Variants in EPC2 observed in about 807,000 individuals in gnomAD.
EPC2 encodes the protein enhancer of polycomb homolog 2.
EPC2 carries 14 observed loss-of-function variants against 92.1 expected under a neutral mutation model. That is an observed-to-expected ratio of 0.15 (90% CI 0.10 to 0.24). The LOEUF (loss-of-function observed/expected upper bound fraction) is 0.24, where lower values mean the gene tolerates loss of function less well. Ranked by LOEUF, EPC2 falls within the 10% of genes least tolerant of loss-of-function variation. The pLI, the probability that EPC2 is intolerant of heterozygous loss-of-function variation, is 1.00. For synonymous variants in EPC2, 340 were observed against 334.7 expected, an observed-to-expected ratio of 1.02 and a Z score of -0.17; for missense variants, 755 against 971.5, an observed-to-expected ratio of 0.78 and a Z score of 2.96.
At position 148,771,319 on chromosome 2, in the gene EPC2, C is replaced by A; in HGVS notation, c.1652C>A (p.Thr551Asn). The change falls in exon 10 of 14, where the codon ACT becomes AAT. Residue 551 changes from threonine (T) to asparagine (N), a missense_variant. Thr to Asn is a moderately conservative substitution (Grantham distance 65). Transcript: ENST00000258484. ...TGTACCTCAAGAAAACCAGGGCAGA[C>A]TGTGAACAATAAAAGAGTTTCTGCA... ...EECTSRKPGQ[T>N]VNNKRVSAAS... The A allele has an allele frequency of 6.2e-7, 1 of 1,613,128 alleles. No individual in the cohort carries two copies. Among genetic ancestry groups the A allele is most frequent in the East Asian group, 2.2e-5 (1 of 44,866 alleles).
rs1683875119 is a variant in EPC2, at chr2:148,786,735, A to T, written c.*358A>T. The T allele has an allele frequency of 6.3e-6, 1 of 158,786 alleles. No individual in the cohort carries two copies. Among genetic ancestry groups the T allele is most frequent in the South Asian group, 2.0e-4 (1 of 4,926 alleles). 9.8% of individuals were successfully genotyped at this position (158,786 alleles called of 1,614,324 possible). A position where few individuals can be genotyped will look rare whatever the true frequency, so the allele number is the denominator to read the frequency against. On this transcript the variant is annotated 3_prime_UTR_variant, in exon 14 of 14. Coordinates refer to ENST00000258484, the MANE Select transcript of EPC2 (RefSeq NM_015630.4). ...ACTTGTTTTAACTATTTATTTTGCC[A>T]TGTTTACATTTTGTATCTTGTAAAA...
chr2:148,771,413 T>C (rs944644158), intron 10 of EPC2, 26 bp downstream of exon 10: 6 of 1,504,496 alleles, frequency 4.0e-6, no homozygotes, highest in Admixed American at 2.2e-5. Flanking sequence ...GTTAAAAGTA[T>C]ATCCTGCTAT....
intron 2 of EPC2, among the ~76,000 whole-genome samples, chr2:148,739,252 T>G (rs1183036990): frequency 6.6e-6 from 1 of 152,242 alleles, no homozygotes; most frequent in Non-Finnish European, 1.5e-5. Flanking sequence ...CATATTCATA[T>G]TCATAACAGT....
At chr2:148,775,317 A>G (rs1231857522) in intron 10 of EPC2, among the ~76,000 whole-genome samples, 1 of 152,016 alleles carries the variant, frequency 6.6e-6, no homozygotes, top group African/African-American at 2.4e-5. Flanking sequence ...AGCACATGCA[A>G]ATATTACATT....
At chr2:148,707,176 A>C (rs570796080) in intron 2 of EPC2, among the ~76,000 whole-genome samples, 24 of 152,338 alleles carry the variant, frequency 1.6e-4, no homozygotes, top group African/African-American at 5.5e-4. Flanking sequence ...ATGGAAAACA[A>C]AAAGAGGCAG....
intron 2 of EPC2, 119 bp downstream of exon 2, chr2:148,690,492 T>G: frequency 1.1e-6 from 1 of 888,508 alleles, no homozygotes; most frequent in Non-Finnish European, 1.7e-6. Flanking sequence ...TTAATAGATA[T>G]GTTAAACATT....
intron 2 of EPC2, among the ~76,000 whole-genome samples, chr2:148,704,892 T>C (rs1421172556): frequency 1.3e-5 from 2 of 151,476 alleles, no homozygotes; most frequent in Non-Finnish European, 3.0e-5. Flanking sequence ...TGTGTATCTT[T>C]TTTCTTTTTC....
In EPC2 at chr2:148,726,340, G is replaced by A. The variant is rs1682492954; in HGVS notation, c.314-17282G>A. Among the ~76,000 whole-genome samples the A allele has an allele frequency of 3.3e-5, 5 of 152,128 alleles. No homozygotes were observed. In the South Asian group the frequency reaches 1.0e-3, roughly 31 times the overall value. On this transcript the variant is annotated intron_variant, in intron 2 of 13. Coordinates refer to ENST00000258484, the MANE Select transcript of EPC2 (RefSeq NM_015630.4). ...AGTGAGATTGCTGGATCATATAGTA[G>A]TTCTATTTTAAATTTTTTCAGAAAC...
chr2:148,676,456 TTAATA>T (rs1481830797), intron 1 of EPC2, among the ~76,000 whole-genome samples: 2 of 152,002 alleles, frequency 1.3e-5, no homozygotes, highest in Non-Finnish European at 2.9e-5. Flanking sequence ...TTTTATAACA[TTAATA>T]TAATTAAAAA....
chr2:148,742,330 G>T (rs1277075817), intron 2 of EPC2, among the ~76,000 whole-genome samples: 1 of 152,168 alleles, frequency 6.6e-6, no homozygotes, highest in Non-Finnish European at 1.5e-5. Flanking sequence ...GCTTTCTTCT[G>T]CTGCTCTTTC....
intron 2 of EPC2, chr2:148,692,950 G>A (rs1681672140): frequency 6.6e-6 from 1 of 151,764 alleles, no homozygotes; most frequent in African/African-American, 2.4e-5. Context: ...ATACTATACA[G>A]TATCTTACTG....
At chr2:148,758,525 A>G (rs1165827543) in intron 4 of EPC2, among the ~76,000 whole-genome samples, 1 of 151,970 alleles carries the variant, frequency 6.6e-6, no homozygotes, top group East Asian at 1.9e-4. Context: ...CCTCCCAAAT[A>G]GCTGGGACTA....
At chr2:148,688,902 A>G (rs1315644239) in intron 1 of EPC2, among the ~76,000 whole-genome samples, 3 of 152,116 alleles carry the variant, frequency 2.0e-5, no homozygotes, top group Non-Finnish European at 4.4e-5. Flanking sequence ...TGAGATCTTT[A>G]CTATGATGTT....
intron 1 of EPC2, among the ~76,000 whole-genome samples, chr2:148,675,742 T>G (rs1023227725): frequency 6.6e-6 from 1 of 152,224 alleles, no homozygotes; most frequent in African/African-American, 2.4e-5. Flanking sequence ...TGATGGCCTA[T>G]CTCATTGTTT....
At chr2:148,768,698 G>C (rs1248968300) in intron 7 of EPC2, among the ~76,000 whole-genome samples, 1 of 151,952 alleles carries the variant, frequency 6.6e-6, no homozygotes, top group Non-Finnish European at 1.5e-5. Flanking sequence ...TTGTTGTGGT[G>C]ATTTTTTTTG....
At chr2:148,667,827 G>T (rs6430335) in intron 1 of EPC2, among the ~76,000 whole-genome samples, 3 of 152,060 alleles carry the variant, frequency 2.0e-5, no homozygotes, top group Admixed American at 2.0e-4. Context: ...GTGAATTTTT[G>T]GAATGGATGT....
chr2:148,679,398 T>C (rs1234050573), intron 1 of EPC2, among the ~76,000 whole-genome samples: 2 of 152,218 alleles, frequency 1.3e-5, no homozygotes, highest in African/African-American at 4.8e-5. Flanking sequence ...TCTACCAATA[T>C]ATCCCAAGAT....
intron 2 of EPC2, among the ~76,000 whole-genome samples, chr2:148,731,104 A>C (rs192641656): frequency 1.3e-5 from 2 of 152,268 alleles, no homozygotes; most frequent in Non-Finnish European, 2.9e-5. Context: ...TAGTATTAGT[A>C]CCTAACCTAA....
intron 1 of EPC2, among the ~76,000 whole-genome samples, chr2:148,667,451 A>G (rs1172223718): frequency 6.6e-6 from 1 of 152,230 alleles, no homozygotes; most frequent in Non-Finnish European, 1.5e-5. Flanking sequence ...GAATTACAGT[A>G]GATTTTTTTG....
Sources: gnomAD v4.1 joint callset for allele counts (sites outside exome capture counted in the v4.1 genomes callset) on GRCh38, gnomAD v4.1.1 for gene constraint, MANE v1.5 for transcripts, NCBI Gene and HGNC (gene_info 2026-07-23, HGNC 2026-07-21) for gene names.